NTM: variants seen among roughly 807,000 people sequenced by gnomAD.
NTM encodes the protein neurotrimin, also known as IgLON family member 2.
NTM carries 13 observed loss-of-function variants against 42.1 expected under a neutral mutation model. The ratio of observed to expected loss-of-function variants is 0.31; its 90% CI spans 0.20 to 0.49. NTM has a LOEUF of 0.49. NTM is among the 20% of genes least tolerant of loss of function. The pLI, the probability that NTM is intolerant of heterozygous loss-of-function variation, is 0.99. For synonymous variants in NTM, 187 were observed against 179.2 expected (o/e 1.04, Z -0.35); for missense variants, 373 against 452.8 (o/e 0.82, Z 1.60).
intron 1 of NTM, among the ~76,000 whole-genome samples, chr11:131,897,901 T>C (rs2052560204): frequency 1.3e-5 from 2 of 152,240 alleles, no homozygotes; most frequent in Admixed American, 6.5e-5. Flanking sequence ...CATGTAATTA[T>C]GCTCAATTCC....
At chr11:132,088,338 C>T (rs552666398) in intron 2 of NTM, among the ~76,000 whole-genome samples, 14 of 152,190 alleles carry the variant, frequency 9.2e-5, no homozygotes, top group Admixed American at 8.5e-4. Context: ...TTTGGGTTCA[C>T]ATTTTACTTA....
chr11:132,286,354 A>G (rs2094229723), intron 4 of NTM, among the ~76,000 whole-genome samples: 1 of 152,212 alleles, frequency 6.6e-6, no homozygotes, highest in South Asian at 2.1e-4. Flanking sequence ...GTTTAAAAAT[A>G]GTAGTTCTTT....
intron 2 of NTM, among the ~76,000 whole-genome samples, chr11:132,142,016 C>A (rs2137261505): frequency 6.6e-6 from 1 of 152,296 alleles, no homozygotes; most frequent in East Asian, 1.9e-4. Flanking sequence ...TTGCAGGGCC[C>A]AGTCCAGAAT....
Position 131,774,044 on chromosome 11 carries a change from T to G in NTM, c.83-137520T>G, listed in dbSNP as rs2086572251. On this transcript the variant is annotated intron_variant, in intron 1 of 8. Transcript: ENST00000683400. ...AAATAGTCAATAGCCTTGGTGTCAT[T>G]GACTTTGCCTTCCTCTGTTGTTCCA... 3 of 983,918 alleles carry G rather than the reference T, an allele frequency of 3.0e-6. No homozygotes were observed. In the East Asian group the frequency reaches 3.4e-4, roughly 112 times the overall value. 60.9% of individuals were successfully genotyped at this position (983,918 alleles called of 1,614,324 possible). A position where few individuals can be genotyped will look rare whatever the true frequency, so the allele number is the denominator to read the frequency against.
chr11:131,864,879 C>A (rs2046979425), intron 1 of NTM, among the ~76,000 whole-genome samples: 1 of 152,164 alleles, frequency 6.6e-6, no homozygotes, highest in Non-Finnish European at 1.5e-5. Flanking sequence ...GATTCTTTCC[C>A]AGTTCTGCCC....
chr11:131,912,721 T>C (rs1281791337), intron 2 of NTM, among the ~76,000 whole-genome samples: 3 of 152,208 alleles, frequency 2.0e-5, no homozygotes, highest in African/African-American at 7.2e-5. Context: ...CAAGGCAACA[T>C]GGCAATATTC....
At chr11:132,147,590 A>T (rs764934601) in intron 3 of NTM, among the ~76,000 whole-genome samples, 15 of 152,108 alleles carry the variant, frequency 9.9e-5, no homozygotes, top group Non-Finnish European at 1.5e-4. Context: ...AATTTTTAAA[A>T]TTTTTGAGCA....
intron 1 of NTM, among the ~76,000 whole-genome samples, chr11:131,444,950 C>A (rs75971018): frequency 5.3e-5 from 8 of 152,084 alleles, no homozygotes; most frequent in African/African-American, 1.9e-4. Context: ...CAAATCAGTG[C>A]TTCTCAAACT....
intron 2 of NTM, among the ~76,000 whole-genome samples, chr11:132,080,827 A>G (rs6590613): frequency 0.27 from 40,397 of 152,156 alleles, 5,658 homozygotes; most frequent in African/African-American, 0.33. Context: ...GAGAGGTTGC[A>G]TGGAGATCTA....
chr11:132,023,150 A>C (rs2135545946), intron 2 of NTM, among the ~76,000 whole-genome samples: 1 of 152,200 alleles, frequency 6.6e-6, no homozygotes, highest in South Asian at 2.1e-4. Flanking sequence ...TTTACCATAG[A>C]CCCTAGTCAC....
At chr11:131,640,209 C>T (rs1228919201) in intron 1 of NTM, among the ~76,000 whole-genome samples, 1 of 152,094 alleles carries the variant, frequency 6.6e-6, no homozygotes, top group Non-Finnish European at 1.5e-5. Context: ...TAAGCCTAAG[C>T]AAAGGATGAG....
chr11:131,753,799 G>A (rs1335219556), intron 1 of NTM, among the ~76,000 whole-genome samples: 3 of 151,602 alleles, frequency 2.0e-5, no homozygotes, highest in South Asian at 2.1e-4. Context: ...GCTAAATGAC[G>A]AATTAATGGG....
intron 1 of NTM, among the ~76,000 whole-genome samples, chr11:131,861,820 A>G (rs1000331126): frequency 1.6e-4 from 25 of 152,176 alleles, no homozygotes; most frequent in Non-Finnish European, 2.4e-4. Flanking sequence ...GGTGCAGAAC[A>G]TTGTCATAGG....
intron 1 of NTM, among the ~76,000 whole-genome samples, chr11:131,424,296 A>G (rs575745821): frequency 3.7e-4 from 56 of 152,250 alleles, no homozygotes; most frequent in Middle Eastern, 6.8e-3. Flanking sequence ...GTATTTGCAT[A>G]CAGGCTGCCA....
intron 2 of NTM, among the ~76,000 whole-genome samples, chr11:132,042,609 GC>G (rs2077354137): frequency 6.6e-6 from 1 of 152,162 alleles, no homozygotes; most frequent in Non-Finnish European, 1.5e-5. Context: ...AAGACAAAGA[GC>G]CTTTGAGCTT....
At chr11:131,765,575 C>T (rs1392916032) in intron 1 of NTM, among the ~76,000 whole-genome samples, 1 of 152,200 alleles carries the variant, frequency 6.6e-6, no homozygotes, top group Non-Finnish European at 1.5e-5. Flanking sequence ...TAGTACATGT[C>T]CTACTTATCT....
chr11:131,432,836 ATTCTTTTTTT>A (rs1565494777), intron 1 of NTM, among the ~76,000 whole-genome samples: 2 of 87,388 alleles, frequency 2.3e-5, no homozygotes, highest in Admixed American at 1.4e-4. Context: ...AAGATTTAGC[ATTCTTTTTTT>A]TTTTTTTTTT....
intron 1 of NTM, among the ~76,000 whole-genome samples, chr11:131,861,960 T>G (rs547452705): frequency 1.3e-5 from 2 of 152,280 alleles, no homozygotes; most frequent in South Asian, 4.1e-4. Flanking sequence ...GAGCCCACTG[T>G]TAAACCCCAG....
At chr11:131,849,637 A>G (rs117706706) in intron 1 of NTM, among the ~76,000 whole-genome samples, 2 of 152,080 alleles carry the variant, frequency 1.3e-5, no homozygotes, top group East Asian at 1.9e-4. Context: ...TATCCCAACT[A>G]TATCAAGAAC....
Sources: allele counts gnomAD v4.1 joint callset (sites outside exome capture counted in the v4.1 genomes callset), GRCh38; gene constraint gnomAD v4.1.1; transcripts MANE v1.5; gene names NCBI Gene and HGNC (gene_info 2026-07-23, HGNC 2026-07-21).